Variants in SLC2A9 observed in about 807,000 individuals in gnomAD.
SLC2A9 encodes the protein solute carrier family 2, facilitated glucose transporter member 9.
In SLC2A9, 39 loss-of-function variants were observed where a neutral mutation model predicts 50.6. The observed-to-expected ratio is 0.77, with a 90% CI of 0.60 to 1.01. The LOEUF (loss-of-function observed/expected upper bound fraction) is 1.01, where lower values mean the gene tolerates loss of function less well. Ranked by LOEUF, SLC2A9 falls within the 50% of genes least tolerant of loss-of-function variation. The pLI, the probability that SLC2A9 is intolerant of heterozygous loss-of-function variation, is 0.00. For missense variants in SLC2A9, 686 were observed against 677.6 expected, an observed-to-expected ratio of 1.01 and a Z score of -0.14; for synonymous variants, 324 against 276.9, an observed-to-expected ratio of 1.17 and a Z score of -1.69.
downstream of SLC2A9, among the ~76,000 whole-genome samples, chr4:9,775,560 C>T (rs1164823659): frequency 6.6e-6 from 1 of 152,012 alleles, no homozygotes; most frequent in East Asian, 1.9e-4. Context: ...GTAGATCCCC[C>T]ATGGCTTGGT....
intron 4 of SLC2A9, among the ~76,000 whole-genome samples, chr4:9,982,063 G>A (rs1755976088): frequency 6.6e-6 from 1 of 152,100 alleles, no homozygotes; most frequent in Non-Finnish European, 1.5e-5. Flanking sequence ...TGTATTTTTA[G>A]TAGAGACGGG....
intron 10 of SLC2A9, among the ~76,000 whole-genome samples, chr4:9,845,447 T>TTTTTTA (rs1728819871): frequency 7.4e-6 from 1 of 134,460 alleles, no homozygotes; most frequent in African/African-American, 3.0e-5. Context: ...TTTTTTTTTT[T>TTTTTTA]GAGACGGAGT....
At chr4:9,868,836 C>T (rs565110473) in intron 10 of SLC2A9, among the ~76,000 whole-genome samples, 2 of 152,108 alleles carry the variant, frequency 1.3e-5, no homozygotes, top group Admixed American at 1.3e-4. Flanking sequence ...TAAGTCAGTT[C>T]ATGTTTGCAT....
At chr4:9,870,355 A>G (rs1244116950) in intron 10 of SLC2A9, among the ~76,000 whole-genome samples, 2 of 152,256 alleles carry the variant, frequency 1.3e-5, no homozygotes, top group Non-Finnish European at 2.9e-5. Context: ...CCCAAGTGAC[A>G]GTGAAGAGGA....
At chr4:9,778,053 T>TTTCCTTCCTTCC (rs1163039690), downstream of SLC2A9, among the ~76,000 whole-genome samples, 1,568 of 13,860 alleles carry the variant, frequency 0.11, 20 homozygotes, top group Non-Finnish European at 0.17. Context: ...TCTTTCTTTC[T>TTTCCTTCCTTCC]TTCCTTCCTT....
rs16888811 is a variant in SLC2A9 at position 9,804,197 on chromosome 4, C to A, written n.421-4956G>T. Among the ~76,000 whole-genome samples the A allele has an allele frequency of 2.0e-4, 31 of 152,242 alleles. 1 individual carries two copies. In the South Asian group the frequency reaches 6.4e-3, roughly 32 times the overall value. On this transcript the variant is annotated intron_variant and non_coding_transcript_variant, in intron 3 of 3. Transcript: ENST00000503280. The stretch of plus-strand genomic sequence containing the variant: ...ATAGCTCTACCTGGTGTCATGAAAG[C>A]TTTTGGAAGAAAGGTGATGAATGTT...
intron 2 of SLC2A9, among the ~76,000 whole-genome samples, chr4:9,997,920 C>T (rs1378920570): frequency 2.0e-5 from 3 of 152,002 alleles, no homozygotes; most frequent in East Asian, 1.9e-4. Context: ...ATCCTATCTA[C>T]GATATACAAA....
intron 10 of SLC2A9, chr4:9,878,961 G>A (rs1312967081): frequency 2.4e-6 from 2 of 831,622 alleles, no homozygotes; most frequent in Non-Finnish European, 1.5e-6. Context: ...GTGAGCTGTG[G>A]TGGTAGAAAA....
chr4:9,928,742 A>G (rs114540580), intron 6 of SLC2A9, among the ~76,000 whole-genome samples: 617 of 152,308 alleles, frequency 4.1e-3, no homozygotes, highest in Non-Finnish European at 7.1e-3. Context: ...TCAAAAGCAA[A>G]CAAACAAACA....
intron 8 of SLC2A9, among the ~76,000 whole-genome samples, chr4:9,894,528 G>A (rs1489525895): frequency 6.6e-6 from 1 of 152,196 alleles, no homozygotes; most frequent in Non-Finnish European, 1.5e-5. Flanking sequence ...AGTAGATTTA[G>A]TTGAAGTGTT....
chr4:9,892,010 T>C (rs1260123670), intron 8 of SLC2A9, among the ~76,000 whole-genome samples: 4 of 152,212 alleles, frequency 2.6e-5, no homozygotes, highest in Admixed American at 6.5e-5. Flanking sequence ...TTCTCCACAA[T>C]GGAACCCAGC....
chr4:9,913,303 T>TTGTGTGTGTGTGTG (rs59023239), intron 7 of SLC2A9, among the ~76,000 whole-genome samples: 3 of 142,118 alleles, frequency 2.1e-5, no homozygotes, highest in African/African-American at 5.2e-5. Flanking sequence ...TCCTGTGTGT[T>TTGTGTGTGTGTGTG]TGTGTGTGTG....
intron 10 of SLC2A9, among the ~76,000 whole-genome samples, chr4:9,863,388 C>T (rs547617680): frequency 6.6e-6 from 1 of 152,086 alleles, no homozygotes; most frequent in Admixed American, 6.5e-5. Flanking sequence ...CTCAAGAAAT[C>T]CTTCTGCTTC....
chr4:10,032,973 A>C (rs989712401), intron 1 of SLC2A9, among the ~76,000 whole-genome samples: 10 of 152,136 alleles, frequency 6.6e-5, no homozygotes, highest in Non-Finnish European at 1.5e-4. Context: ...TGCAATTAAA[A>C]AGATGCATGT....
chr4:10,026,518 C>A (rs1346649132), intron 1 of SLC2A9, among the ~76,000 whole-genome samples: 1 of 152,026 alleles, frequency 6.6e-6, no homozygotes, highest in African/African-American at 2.4e-5. Context: ...ACATCGATGC[C>A]CAAGAGGACT....
At chr4:10,033,216 T>C (rs189053302) in intron 1 of SLC2A9, among the ~76,000 whole-genome samples, 1 of 152,298 alleles carries the variant, frequency 6.6e-6, no homozygotes, top group Non-Finnish European at 1.5e-5. Flanking sequence ...CTAAGGTTGT[T>C]TGTCTTGCAA....
intron 6 of SLC2A9, among the ~76,000 whole-genome samples, chr4:9,929,251 A>T (rs984221681): frequency 6.6e-6 from 1 of 152,220 alleles, no homozygotes; most frequent in African/African-American, 2.4e-5. Flanking sequence ...GGGCAGTGAC[A>T]CTGGATGCCC....
intron 10 of SLC2A9, chr4:9,879,719 GACTTA>G: frequency 1.0e-6 from 1 of 985,362 alleles, no homozygotes; most frequent in South Asian, 4.7e-5. Context: ...CCCCATAGAG[GACTTA>G]ACTTGGTGCC....
intron 8 of SLC2A9, among the ~76,000 whole-genome samples, chr4:9,903,864 A>G (rs958592249): frequency 1.1e-4 from 16 of 147,340 alleles, no homozygotes; most frequent in Non-Finnish European, 1.9e-4. Context: ...AATATATTTT[A>G]TATATTATAA....
Sources: allele counts gnomAD v4.1 joint callset (sites outside exome capture counted in the v4.1 genomes callset), GRCh38; gene constraint gnomAD v4.1.1; transcripts MANE v1.5; gene names NCBI Gene and HGNC (gene_info 2026-07-23, HGNC 2026-07-21).